The following FAM184B variants were observed in gnomAD, a reference collection of about 807,000 sequenced individuals.
FAM184B encodes the protein family with sequence similarity 184 member B.
In FAM184B, 111 loss-of-function variants were observed where a neutral mutation model predicts 135.9. The ratio of observed to expected loss-of-function variants is 0.82; its 90% CI spans 0.70 to 0.96. The LOEUF is 0.96. Among genes scored for constraint, FAM184B ranks in the 40% least tolerant of loss-of-function variants. The probability of loss-of-function intolerance (pLI) is 0.00; values close to 1 mark genes in which losing one functional copy is unlikely to be tolerated. For synonymous variants in FAM184B, 552 were observed against 524.8 expected (o/e 1.05, Z -0.71); for missense variants, 1,375 against 1,323.9 (o/e 1.04, Z -0.60).
At chr4:17,636,249 A>G (rs1489271414) in intron 15 of FAM184B, among the ~76,000 whole-genome samples, 2 of 152,038 alleles carry the variant, frequency 1.3e-5, no homozygotes, top group African/African-American at 2.4e-5. Context: ...GGAATTACAG[A>G]TGCCCACAAC....
intron 14 of FAM184B, among the ~76,000 whole-genome samples, chr4:17,637,504 C>CA (rs1464404919): frequency 6.6e-6 from 1 of 152,146 alleles, no homozygotes; most frequent in Non-Finnish European, 1.5e-5. Context: ...GGCATCATTT[C>CA]ACCTGTGTGT....
At chr4:17,743,025 A>G (rs1718079395) in intron 1 of FAM184B, among the ~76,000 whole-genome samples, 1 of 152,170 alleles carries the variant, frequency 6.6e-6, no homozygotes, top group Admixed American at 6.5e-5. Context: ...CGGCCATTCC[A>G]GCATCCATTT....
At chr4:17,672,915 C>T (rs1312629900) in intron 7 of FAM184B, among the ~76,000 whole-genome samples, 5 of 152,028 alleles carry the variant, frequency 3.3e-5, no homozygotes, top group Non-Finnish European at 7.4e-5. Flanking sequence ...GGGAGGGCTC[C>T]CTCTTCCTCT....
chr4:17,725,504 C>T lies in FAM184B; in HGVS notation c.142-15860G>A, dbSNP rs73095687. 1.6e-3 allele frequency among the ~76,000 whole-genome samples: 243 copies of T among 152,254 alleles called. 2 individuals carry two copies. The highest frequency in any genetic ancestry group is 5.7e-3 in the African/African-American group (237 of 41,548). ...ACCAAATATGTGTCAGGTCCTGAATCCAGGGCTGCTTTCATTCAGTTCAAA... is the reference window on the plus strand; with the variant it reads ...ACCAAATATGTGTCAGGTCCTGAATTCAGGGCTGCTTTCATTCAGTTCAAA... On this transcript the variant is annotated intron_variant, in intron 1 of 17. Coordinates refer to ENST00000265018, the MANE Select transcript of FAM184B (RefSeq NM_015688.2).
intron 9 of FAM184B, 91 bp downstream of exon 9, chr4:17,659,867 G>T: frequency 2.0e-6 from 3 of 1,470,688 alleles, no homozygotes; most frequent in Non-Finnish European, 2.7e-6. Context: ...CAGCTTGGAT[G>T]TGAATCAGGC....
intron 1 of FAM184B, among the ~76,000 whole-genome samples, chr4:17,757,988 C>T (rs1718458902): frequency 6.6e-6 from 1 of 152,140 alleles, no homozygotes; most frequent in Non-Finnish European, 1.5e-5. Flanking sequence ...ATCCAACTGC[C>T]TCCTTGAAAT....
intron 1 of FAM184B, among the ~76,000 whole-genome samples, chr4:17,720,883 TAAAA>T (rs59409749): frequency 5.0e-5 from 5 of 100,324 alleles, no homozygotes; most frequent in Non-Finnish European, 8.0e-5. Context: ...AGACTTCATC[TAAAA>T]AAAAAAAAAA....
chr4:17,766,078 G>A (rs376007337), intron 1 of FAM184B, among the ~76,000 whole-genome samples: 13 of 152,328 alleles, frequency 8.5e-5, no homozygotes, highest in South Asian at 2.1e-4. Flanking sequence ...CAAAGAGTAA[G>A]CCACAGGAAG....
chr4:17,750,840 C>G (rs1411715905), intron 1 of FAM184B, among the ~76,000 whole-genome samples: 1 of 152,130 alleles, frequency 6.6e-6, no homozygotes, highest in East Asian at 1.9e-4. Flanking sequence ...TTCCCCCTGC[C>G]TAGACCCAGG....
At chr4:17,634,964 C>G (rs1206794658) in intron 16 of FAM184B, 45 bp downstream of exon 16, 2 of 1,379,990 alleles carry the variant, frequency 1.4e-6, no homozygotes, top group Non-Finnish European at 2.0e-6. Context: ...AAAAACGAAA[C>G]CAATGGAATT....
At chr4:17,637,726 GAATT>G (rs772103318) in intron 14 of FAM184B, among the ~76,000 whole-genome samples, 1 of 152,190 alleles carries the variant, frequency 6.6e-6, no homozygotes, top group African/African-American at 2.4e-5. Flanking sequence ...CATTTAAACT[GAATT>G]AATGCTGCCT....
At chr4:17,687,798 C>T (rs1407997963) in intron 7 of FAM184B, among the ~76,000 whole-genome samples, 3 of 152,194 alleles carry the variant, frequency 2.0e-5, no homozygotes, top group South Asian at 2.1e-4. Flanking sequence ...CAGGTTCTCA[C>T]TCGCAGCCTC....
intron 1 of FAM184B, among the ~76,000 whole-genome samples, chr4:17,758,858 C>T (rs765539418): frequency 3.3e-5 from 5 of 151,270 alleles, no homozygotes; most frequent in Non-Finnish European, 7.4e-5. Flanking sequence ...GATAGCTTAC[C>T]GAATTTAGGG....
intron 1 of FAM184B, among the ~76,000 whole-genome samples, chr4:17,719,644 A>G (rs1040730506): frequency 2.6e-5 from 4 of 152,206 alleles, no homozygotes; most frequent in African/African-American, 9.7e-5. Flanking sequence ...CTATCAATAC[A>G]TAACTGTGCT....
chr4:17,643,981 G>A (rs962103460), intron 12 of FAM184B, among the ~76,000 whole-genome samples: 18 of 152,356 alleles, frequency 1.2e-4, no homozygotes, highest in Non-Finnish European at 2.2e-4. Context: ...TTGACAACAA[G>A]TGCTCCAGGA....
chr4:17,766,049 CATAAAGGAAGTGCA>C (rs2108995010), intron 1 of FAM184B, among the ~76,000 whole-genome samples: 1 of 152,280 alleles, frequency 6.6e-6, no homozygotes, highest in African/African-American at 2.4e-5. Context: ...TGTTACAGCT[CATAAAGGAAGTGCA>C]GGCCCAAAGA....
At chr4:17,664,428 G>T in intron 8 of FAM184B, 134 bp downstream of exon 8, 1 of 656,308 alleles carries the variant, frequency 1.5e-6, no homozygotes, top group Non-Finnish European at 2.6e-6. Context: ...TACAAGATAT[G>T]CTTGTTGCCT....
At position 17,630,607 on chromosome 4, in the gene FAM184B, AAGACACTCT is replaced by A. The variant is rs1472376579; in HGVS notation, c.*1916_*1924del. 9 of 152,238 alleles carry A rather than the reference AAGACACTCT, an allele frequency of 5.9e-5. No individual in the cohort carries two copies. The highest frequency in any genetic ancestry group is 1.2e-4 in the Non-Finnish European group (8 of 68,046). The allele number at this position is 152,238 out of a possible 1,614,324, so 9.4% of individuals were successfully genotyped here. On this transcript the variant is annotated 3_prime_UTR_variant, in exon 18 of 18. Coordinates refer to ENST00000265018, the MANE Select transcript of FAM184B (RefSeq NM_015688.2). ...TTTGTTAGAGCAGCCTGAACGAACT[AAGACACTCT>A]AAGCGGGAAACTCACAAAAAATATT...
Position 17,781,112 on chromosome 4 carries a change from G to T in FAM184B, c.141+47C>A. ...GCGCATCCGCACTGACTCCCGGCTC[G>T]GGCGCCCCGGGCGTGCAGCTCGCTG... On this transcript the variant is annotated intron_variant, in intron 1 of 17. Coordinates refer to ENST00000265018, the MANE Select transcript of FAM184B (RefSeq NM_015688.2). The surrounding 1 kb of genome is among the most constrained non-coding windows in gnomAD (Gnocchi z 6.5). 6.9e-7 allele frequency: 1 copy of T among 1,458,958 alleles called. No homozygotes were observed. The allele number at this position is 1,458,958 out of a possible 1,614,324, so 90.4% of individuals were successfully genotyped here.
Sources: gnomAD v4.1 joint callset for allele counts (sites outside exome capture counted in the v4.1 genomes callset) on GRCh38, gnomAD v4.1.1 for gene constraint, Gnocchi (gnomAD v3.1) non-coding constraint, MANE v1.5 for transcripts, NCBI Gene and HGNC (gene_info 2026-07-23, HGNC 2026-07-21) for gene names.